TGM3: variants seen among roughly 807,000 people sequenced by gnomAD.
The protein encoded by TGM3 is protein-glutamine gamma-glutamyltransferase E.
Under a neutral mutation model 73.8 loss-of-function variants are expected in TGM3, and 52 were observed. The observed-to-expected ratio is 0.70, with a 90% CI of 0.56 to 0.89. The LOEUF (loss-of-function observed/expected upper bound fraction) is 0.89. TGM3 is among the 40% of genes least tolerant of loss of function. The pLI, the probability that TGM3 is intolerant of heterozygous loss-of-function variation, is 0.00. For missense variants in TGM3, 928 were observed against 909.9 expected (o/e 1.02, Z -0.26); for synonymous variants, 372 against 354.9 (o/e 1.05, Z -0.54).
chr20:2,331,549 C>CA (rs2084320868), intron 9 of TGM3, among the ~76,000 whole-genome samples: 1 of 151,954 alleles, frequency 6.6e-6, no homozygotes, highest in South Asian at 2.1e-4. Flanking sequence ...CATGGTTTAC[C>CA]AAAAAAAATT....
intron 1 of TGM3, among the ~76,000 whole-genome samples, chr20:2,303,297 T>C (rs1230633876): frequency 6.7e-6 from 1 of 150,174 alleles, no homozygotes; most frequent in African/African-American, 2.5e-5. Flanking sequence ...GGAGACTCCA[T>C]CTCAAAAAAA....
At position 2,309,663 on chromosome 20, in the gene TGM3, G is replaced by A. The variant is rs2084192212; in HGVS notation, c.14G>A (p.Gly5Glu). MAAL[G>E]VQSINWQTAF... ...TCTCCTTTCTGCCTCACAGCTCTAG[G>A]AGTCCAGAGTATCAACTGGCAGACG... is the stretch of plus-strand genomic sequence containing the variant. Residue 5 changes from glycine to glutamate, a missense_variant, in exon 2 of 13, where the codon GGA becomes GAA. Physicochemically the swap from Gly to Glu is moderately conservative, Grantham distance 98 (BLOSUM62 -2). Coordinates refer to ENST00000381458, the MANE Select transcript of TGM3 (RefSeq NM_003245.4). The A allele has an allele frequency of 3.1e-6, 5 of 1,613,762 alleles. No individual in the cohort carries two copies. The highest frequency in any genetic ancestry group is 4.5e-5 in the East Asian group (2 of 44,886).
chr20:2,328,029 G>T lies in TGM3; in HGVS notation c.1088-91G>T. On this transcript the variant is annotated intron_variant, in intron 8 of 12. Transcript: ENST00000381458. This position sits in a 1 kb window ranked among gnomAD's most constrained non-coding sequence, Gnocchi z 5.2. ...GAATTTGGGCGGGGCAGAGGCAGGG[G>T]GTTGCAGTGGTCCTGGAAGGCCCTG... 6.4e-7 allele frequency: 1 copy of T among 1,567,258 alleles called. No homozygotes were observed. The highest frequency in any genetic ancestry group is 8.7e-7 in the Non-Finnish European group (1 of 1,149,714).
In TGM3 at chr20:2,334,678, T is replaced by A. The variant is rs2084338682; in HGVS notation, c.1643-438T>A. On this transcript the variant is annotated intron_variant, in intron 10 of 12. Coordinates refer to ENST00000381458, the MANE Select transcript of TGM3 (RefSeq NM_003245.4). The surrounding 1 kb of genome is among the most constrained non-coding windows in gnomAD (Gnocchi z 4.0). ...GGACACTTGTGGCTGGGAGCAGTGC[T>A]CACGCCTGTAATCCCAACACTTTGG... is the stretch of plus-strand genomic sequence containing the variant. Among the ~76,000 whole-genome samples, 1 of 152,204 alleles carries A rather than the reference T, an allele frequency of 6.6e-6. No individual in the cohort carries two copies. Among genetic ancestry groups the A allele is most frequent in the Non-Finnish European group, 1.5e-5 (1 of 68,036 alleles).
At chr20:2,305,242 C>T (rs1179949978) in intron 1 of TGM3, among the ~76,000 whole-genome samples, 2 of 63,600 alleles carry the variant, frequency 3.1e-5, no homozygotes, top group Non-Finnish European at 9.1e-5. Context: ...GCTGAAAGTC[C>T]CAAGTCTCTA....
chr20:2,325,227 C>T (rs955481449), intron 7 of TGM3, among the ~76,000 whole-genome samples: 2 of 152,116 alleles, frequency 1.3e-5, no homozygotes. Context: ...AATTGGGGGA[C>T]AGAATGAGTA....
chr20:2,322,994 T>A (rs1923100), intron 7 of TGM3, among the ~76,000 whole-genome samples: 98,564 of 152,166 alleles, frequency 0.65, 32,673 homozygotes, highest in East Asian at 0.82. Flanking sequence ...CTTTCTCCAA[T>A]GTTTTATGTA....
Position 2,331,577 on chromosome 20 carries a change from C to G in TGM3, c.1334-425C>G, listed in dbSNP as rs74861763. Among the ~76,000 whole-genome samples, 1,179 of 152,264 alleles carry G rather than the reference C, an allele frequency of 7.7e-3. 14 individuals are homozygous for G. Among genetic ancestry groups the G allele is most frequent in the Middle Eastern group, 0.075 (22 of 294 alleles). On this transcript the variant is annotated intron_variant, in intron 9 of 12. Transcript: ENST00000381458. Reference sequence around the variant, plus strand: ...AAAAAATTTTTTAATTAAGTCAGTTCTAAATCATCACCTTGCTTTTTGGCT... The same window carrying G: ...AAAAAATTTTTTAATTAAGTCAGTTGTAAATCATCACCTTGCTTTTTGGCT...
chr20:2,297,677 A>G (rs1431072680), intron 1 of TGM3, among the ~76,000 whole-genome samples: 2 of 152,220 alleles, frequency 1.3e-5, no homozygotes, highest in Non-Finnish European at 2.9e-5. Flanking sequence ...AGACAGGCGA[A>G]TACATTCAGT....
rs551197489 is a variant in TGM3 at position 2,316,637 on chromosome 20, G to C, written c.670-431G>C. 4.0e-5 allele frequency among the ~76,000 whole-genome samples: 6 copies of C among 151,882 alleles called. No individual in the cohort carries two copies. In the South Asian group the frequency reaches 1.2e-3, roughly 32 times the overall value. On this transcript the variant is annotated intron_variant, in intron 5 of 12. Coordinates refer to ENST00000381458, the MANE Select transcript of TGM3 (RefSeq NM_003245.4). Reference sequence around the variant, plus strand: ...ATAAAATAAATAAAGTGATCTTTTCGTAAGACCATACACCAAAAAAGAGTT... The same window carrying C: ...ATAAAATAAATAAAGTGATCTTTTCCTAAGACCATACACCAAAAAAGAGTT...
intron 1 of TGM3, among the ~76,000 whole-genome samples, chr20:2,301,707 AT>A (rs34897899): frequency 1.7e-3 from 251 of 147,116 alleles, no homozygotes; most frequent in African/African-American, 4.8e-3. Flanking sequence ...ACTTTTTAGC[AT>A]TTTTTTTTTT....
In TGM3 at chr20:2,340,748, C is replaced by A. The variant is rs570547209; in HGVS notation, c.*167C>A. ...CAGCACATCCCCCTCTCCTCTCCCC[C>A]AGGTTGGGGCTGGGTCCACCCTGTC... On this transcript the variant is annotated 3_prime_UTR_variant, in exon 13 of 13. Transcript: ENST00000381458. 260 of 910,552 alleles carry A rather than the reference C, an allele frequency of 2.9e-4. 1 individual carries two copies. In the African/African-American group the frequency reaches 3.5e-3, roughly 12 times the overall value. The allele number at this position is 910,552 out of a possible 1,614,324, so 56.4% of individuals were successfully genotyped here.
At position 2,332,256 on chromosome 20, in the gene TGM3, C is replaced by G. The variant is rs1160111553; in HGVS notation, c.1588C>G (p.Leu530Val). 6.2e-7 allele frequency: 1 copy of G among 1,613,522 alleles called. No homozygotes were observed. The highest frequency in any genetic ancestry group is 8.5e-7 in the Non-Finnish European group (1 of 1,179,742). Residue 530 changes from leucine to valine, a missense_variant, in exon 10 of 13, where the codon CTT becomes GTT. Leu to Val is a conservative substitution (Grantham distance 32, BLOSUM62 1). Coordinates refer to ENST00000381458, the MANE Select transcript of TGM3 (RefSeq NM_003245.4). The surrounding 1 kb of genome is among the most constrained non-coding windows in gnomAD (Gnocchi z 4.4). Reference sequence around the variant, plus strand: ...CTGGACCATCATCTACAACGGCACGCTTGTACATGAAGTGTGGAAGGACTC... The same window carrying G: ...CTGGACCATCATCTACAACGGCACGGTTGTACATGAAGTGTGGAAGGACTC... Reference protein sequence around the residue: ...TAWTIIYNGTLVHEVWKDSAT... With the variant: ...TAWTIIYNGTVVHEVWKDSAT...
intron 12 of TGM3, 40 bp from the exon 13 acceptor site, chr20:2,340,392 CGT>C (rs770180939): frequency 3.1e-6 from 5 of 1,611,004 alleles, no homozygotes; most frequent in Non-Finnish European, 4.2e-6. Flanking sequence ...GCCCAAGGTC[CGT>C]GTGTCTCGTA....
At chr20:2,339,257 C>A (rs2084367359) in intron 11 of TGM3, among the ~76,000 whole-genome samples, 1 of 152,210 alleles carries the variant, frequency 6.6e-6, no homozygotes. Flanking sequence ...CTTTTCAACA[C>A]CTGTGGGGCC....
intron 7 of TGM3, among the ~76,000 whole-genome samples, chr20:2,322,680 TCA>T (rs2084268319): frequency 6.6e-6 from 1 of 152,204 alleles, no homozygotes; most frequent in Non-Finnish European, 1.5e-5. Flanking sequence ...TCCCTGAACC[TCA>T]GTTTCCAGAG....
chr20:2,297,568 A>C (rs1206862092), intron 1 of TGM3, among the ~76,000 whole-genome samples: 2 of 152,222 alleles, frequency 1.3e-5, no homozygotes, highest in African/African-American at 4.8e-5. Context: ...GCCCGCTGTG[A>C]GGCATGATTA....
chr20:2,320,207 G>A (rs181574312), intron 7 of TGM3, among the ~76,000 whole-genome samples: 209 of 152,310 alleles, frequency 1.4e-3, no homozygotes, highest in African/African-American at 4.2e-3. Flanking sequence ...CTTTAGAACC[G>A]TGCCCAGATT....
At chr20:2,330,241 A>T (rs1600706163) in intron 9 of TGM3, among the ~76,000 whole-genome samples, 1 of 152,338 alleles carries the variant, frequency 6.6e-6, no homozygotes, top group Non-Finnish European at 1.5e-5. Context: ...AAAGGGAGAA[A>T]ACAGCAGGAG....
Sources: allele counts gnomAD v4.1 joint callset (sites outside exome capture counted in the v4.1 genomes callset), GRCh38; gene constraint gnomAD v4.1.1; non-coding constraint Gnocchi (gnomAD v3.1); transcripts MANE v1.5; gene names NCBI Gene and HGNC (gene_info 2026-07-23, HGNC 2026-07-21).